The following USP8 variants were observed in gnomAD, a reference collection of about 807,000 sequenced individuals.
USP8 encodes the protein ubiquitin carboxyl-terminal hydrolase 8.
In USP8, 27 loss-of-function variants were observed where a neutral mutation model predicts 130.0. The observed-to-expected ratio is 0.21, with a 90% CI of 0.15 to 0.29. USP8 has a LOEUF of 0.29. USP8 is among the 10% of genes least tolerant of loss of function. The pLI, the probability that USP8 is intolerant of heterozygous loss-of-function variation, is 1.00. For synonymous variants in USP8, 392 were observed against 444.1 expected, an observed-to-expected ratio of 0.88 and a Z score of 1.48; for missense variants, 1,029 against 1,312.2, an observed-to-expected ratio of 0.78 and a Z score of 3.33.
Position 50,508,176 on chromosome 15 carries a change from T to C in USP8, c.*9088T>C, listed in dbSNP as rs559050097. The C allele has an allele frequency of 8.4e-5, 12 of 143,604 alleles. No individual in the cohort carries two copies. Among genetic ancestry groups the C allele is most frequent in the Admixed American group, 3.4e-4 (5 of 14,568 alleles). The allele number at this position is 143,604 out of a possible 1,614,324, so 8.9% of individuals were successfully genotyped here. A position where few individuals can be genotyped will look rare whatever the true frequency, so the allele number is the denominator to read the frequency against. On this transcript the variant is annotated 3_prime_UTR_variant, in exon 20 of 20. Coordinates refer to ENST00000307179, the MANE Select transcript of USP8 (RefSeq NM_005154.5). ...AAATGATACCCCCACAAAAAATCAA[T>C]ACTTTTGGAAATTAAAAAAACACTT... is the stretch of plus-strand genomic sequence containing the variant.
chr15:50,506,739 C>G lies in USP8; in HGVS notation c.*7651C>G, dbSNP rs1202479857. Reference sequence around the variant, plus strand: ...CTTGGGGAGGCCGAGGGGGGCGGATCACGAGGTCAGGAGATCAAGACTATC... The same window carrying G: ...CTTGGGGAGGCCGAGGGGGGCGGATGACGAGGTCAGGAGATCAAGACTATC... On this transcript the variant is annotated 3_prime_UTR_variant, in exon 20 of 20. Transcript: ENST00000307179. 6.6e-6 allele frequency: 1 copy of G among 151,994 alleles called. No homozygotes were observed. Among genetic ancestry groups the G allele is most frequent in the Non-Finnish European group, 1.5e-5 (1 of 68,042 alleles). 9.4% of individuals were successfully genotyped at this position (151,994 alleles called of 1,614,324 possible). A position where few individuals can be genotyped will look rare whatever the true frequency, so the allele number is the denominator to read the frequency against.
At chr15:50,439,738 C>T (rs974568826) in intron 2 of USP8, among the ~76,000 whole-genome samples, 8 of 150,140 alleles carry the variant, frequency 5.3e-5, no homozygotes, top group African/African-American at 9.8e-5. Flanking sequence ...TTCGGTGAGC[C>T]GAGATTGTGC....
At chr15:50,488,659 G>C (rs1305317381) in intron 12 of USP8, among the ~76,000 whole-genome samples, 1 of 143,428 alleles carries the variant, frequency 7.0e-6, no homozygotes, top group African/African-American at 2.6e-5. Flanking sequence ...CCGCCTCCCA[G>C]GTTCAAGCAA....
chr15:50,449,576 T>A, intron 4 of USP8, 91 bp downstream of exon 4: 2 of 982,230 alleles, frequency 2.0e-6, no homozygotes, highest in Non-Finnish European at 1.4e-6. Context: ...ACGATTCATA[T>A]AATATTCCAA....
chr15:50,478,234 C>T (rs1247462474), intron 10 of USP8, among the ~76,000 whole-genome samples: 3 of 152,014 alleles, frequency 2.0e-5, no homozygotes, highest in Admixed American at 6.6e-5. Flanking sequence ...GAATTTGACA[C>T]GCAAATAACA....
At chr15:50,444,295 G>A (rs2050354232) in intron 3 of USP8, among the ~76,000 whole-genome samples, 1 of 151,684 alleles carries the variant, frequency 6.6e-6, no homozygotes, top group East Asian at 1.9e-4. Flanking sequence ...AGTAGAGACA[G>A]GGTTTCACCG....
At chr15:50,427,551 C>T (rs1436215432) in intron 1 of USP8, among the ~76,000 whole-genome samples, 5 of 146,692 alleles carry the variant, frequency 3.4e-5, no homozygotes, top group Non-Finnish European at 5.9e-5. Flanking sequence ...CATTTATAGC[C>T]GTACTAATTT....
chr15:50,455,995 A>T (rs1187696888), intron 4 of USP8, among the ~76,000 whole-genome samples: 1 of 152,150 alleles, frequency 6.6e-6, no homozygotes, highest in Admixed American at 6.5e-5. Flanking sequence ...CTTTCTTTCA[A>T]GTGTCAACCC....
chr15:50,465,027 C>G lies in USP8; in HGVS notation c.542-20C>G, dbSNP rs1179992354. The G allele has an allele frequency of 1.2e-6, 2 of 1,611,574 alleles. No homozygotes were observed. ...CTTGTGCTGTTTCTTGTCACTTACA[C>G]TGTCTCTCTCAATTCCAAGGAGCAA... On this transcript the variant is annotated intron_variant, in intron 6 of 19. Transcript: ENST00000307179.
chr15:50,494,797 C>T (rs2052311111), intron 16 of USP8, among the ~76,000 whole-genome samples: 1 of 152,100 alleles, frequency 6.6e-6, no homozygotes, highest in South Asian at 2.1e-4. Flanking sequence ...GGTGGATCAC[C>T]TGAGGTCAGG....
intron 4 of USP8, among the ~76,000 whole-genome samples, chr15:50,454,502 G>T: frequency 1.4e-5 from 2 of 145,894 alleles, no homozygotes; most frequent in Middle Eastern, 3.5e-3. Context: ...CACCCAGGCT[G>T]GAGTGCAGTG....
chr15:50,442,754 A>G (rs1311959414), intron 3 of USP8, among the ~76,000 whole-genome samples: 2 of 152,222 alleles, frequency 1.3e-5, no homozygotes, highest in Non-Finnish European at 2.9e-5. Context: ...ATCTCAAAAA[A>G]CAAACAAAAA....
intron 8 of USP8, among the ~76,000 whole-genome samples, chr15:50,472,467 G>A (rs1289942920): frequency 2.6e-5 from 4 of 151,518 alleles, no homozygotes; most frequent in Non-Finnish European, 4.4e-5. Flanking sequence ...CGCAGTGGCG[G>A]GGGCCTGTAG....
intron 1 of USP8, among the ~76,000 whole-genome samples, chr15:50,427,281 A>G (rs887022745): frequency 2.0e-5 from 3 of 152,108 alleles, no homozygotes; most frequent in African/African-American, 4.8e-5. Context: ...GTAATGGCAT[A>G]TTACAGTTTT....
chr15:50,495,866 T>G lies in USP8; in HGVS notation c.2677T>G (p.Tyr893Asp). 6.2e-7 allele frequency: 1 copy of G among 1,613,426 alleles called. No homozygotes were observed. The highest frequency in any genetic ancestry group is 1.1e-5 in the South Asian group (1 of 91,022). ...DLNKADNRKR[Y>D]KEENNDHLDD... is the part of the protein sequence containing the mutation. Reference sequence around the variant, plus strand: ...TTTCCAGGCTGATAATCGGAAGAGATATAAAGAAGAAAATAATGATCATCT... The same window carrying G: ...TTTCCAGGCTGATAATCGGAAGAGAGATAAAGAAGAAAATAATGATCATCT... The change falls in exon 17 of 20, where the codon TAT becomes GAT. Residue 893 changes from tyrosine to aspartate, a missense_variant. Transcript: ENST00000307179.
At chr15:50,476,400 A>G (rs963722492) in intron 8 of USP8, among the ~76,000 whole-genome samples, 14 of 152,220 alleles carry the variant, frequency 9.2e-5, no homozygotes, top group African/African-American at 2.4e-5. Context: ...GTTGCATTCC[A>G]ACTTGGGTGA....
At chr15:50,443,120 C>T (rs2141258479) in intron 3 of USP8, among the ~76,000 whole-genome samples, 2 of 152,238 alleles carry the variant, frequency 1.3e-5, no homozygotes, top group Middle Eastern at 3.4e-3. Flanking sequence ...CTCACTGCAA[C>T]CTCCACCTTT....
At chr15:50,448,728 C>T (rs937110565) in intron 3 of USP8, among the ~76,000 whole-genome samples, 21 of 152,014 alleles carry the variant, frequency 1.4e-4, no homozygotes, top group Non-Finnish European at 2.1e-4. Flanking sequence ...CCATGTTGGC[C>T]GGGCTGGTCT....
At chr15:50,431,064 G>C (rs550044767) in intron 1 of USP8, among the ~76,000 whole-genome samples, 2 of 152,054 alleles carry the variant, frequency 1.3e-5, no homozygotes, top group Non-Finnish European at 2.9e-5. Flanking sequence ...GCAAGGTTGA[G>C]AAACGCTGCT....
Sources: gnomAD v4.1 joint callset for allele counts (sites outside exome capture counted in the v4.1 genomes callset) on GRCh38, gnomAD v4.1.1 for gene constraint, MANE v1.5 for transcripts, NCBI Gene and HGNC (gene_info 2026-07-23, HGNC 2026-07-21) for gene names.